The following USP33 variants were observed in gnomAD, a reference collection of about 807,000 sequenced individuals.
USP33 encodes ubiquitin carboxyl-terminal hydrolase 33.
USP33 carries 46 observed loss-of-function variants against 124.2 expected under a neutral mutation model. The ratio of observed to expected loss-of-function variants is 0.37; its 90% confidence interval spans 0.29 to 0.47. USP33 has a LOEUF of 0.47. Among genes scored for constraint, USP33 ranks in the 20% least tolerant of loss-of-function variants. USP33 has a pLI of 0.99. For missense variants in USP33, 851 were observed against 1,070.6 expected (o/e 0.79, Z 2.86); for synonymous variants, 350 against 352.3 (o/e 0.99, Z 0.07).
In USP33 at chr1:77,740,934, T is replaced by C. The variant is rs1375321521; in HGVS notation, c.141A>G (p.Arg47=). Residue 47 remains arginine, a synonymous_variant, in exon 4 of 24, where the codon AGA becomes AGG. Transcript: ENST00000370794. The stretch of plus-strand genomic sequence containing the variant: ...ATTCACCACAGCCAACATATGAACA[T>C]CTATTCTATAAATAATTATATAGGA... The part of the protein sequence containing the change: ...GPNLWACLEN[R]CSYVGCGESQ... 10 of 1,551,364 alleles carry C rather than the reference T, an allele frequency of 6.4e-6. No individual in the cohort carries two copies. The highest frequency in any genetic ancestry group is 8.7e-6 in the Non-Finnish European group (10 of 1,143,836).
intron 7 of USP33, 49 bp downstream of exon 7, chr1:77,734,298 A>C: frequency 7.1e-7 from 1 of 1,413,796 alleles, no homozygotes; most frequent in Non-Finnish European, 9.6e-7. Context: ...TGCTCAAAAA[A>C]TAACTTAAAA....
At chr1:77,722,572 T>C (rs74972797) in intron 12 of USP33, among the ~76,000 whole-genome samples, 1,964 of 151,830 alleles carry the variant, frequency 0.013, 40 homozygotes, top group African/African-American at 0.046. Flanking sequence ...TTTTAAAATA[T>C]TTTTTTAAAA....
intron 21 of USP33, 184 bp downstream of exon 21, chr1:77,711,563 A>T: frequency 1.1e-6 from 1 of 904,424 alleles, no homozygotes; most frequent in Non-Finnish European, 1.6e-6. Flanking sequence ...ACACACACAA[A>T]GGGAGAACAT....
In USP33 at chr1:77,728,782, C is replaced by T. The variant is rs934240427; in HGVS notation, c.718-70G>A. On this transcript the variant is annotated intron_variant, in intron 9 of 23. Transcript: ENST00000370794. ...ATATAGAAACGTAAGGGAAAATATA[C>T]AAAATGTCATTACAAACTTATATAT... is the stretch of plus-strand genomic sequence containing the variant. 9 of 1,491,278 alleles carry T rather than the reference C, an allele frequency of 6.0e-6. No individual in the cohort carries two copies. The Admixed American group carries it at 1.5e-4, about 24-fold the overall frequency. The allele number at this position is 1,491,278 out of a possible 1,614,324, so 92.4% of individuals were successfully genotyped here. A position where few individuals can be genotyped will look rare whatever the true frequency, so the allele number is the denominator to read the frequency against.
rs1463939654 is a variant in USP33, at chr1:77,717,921, G to C, written c.1864C>G (p.Gln622Glu). The C allele has an allele frequency of 6.2e-7, 1 of 1,613,486 alleles. No homozygotes were observed. Among genetic ancestry groups the C allele is most frequent in the Non-Finnish European group, 8.5e-7 (1 of 1,179,834 alleles). ...QPFLAKDSPA[Q>E]IVTYDLLSVI... ...GACAGAAGATCATATGTCACAATTT[G>C]AGCTGGACTATCCTTAGCAAGAAAT... Residue 622 changes from glutamine (Q) to glutamate (E), a missense_variant, in exon 17 of 24, where the codon CAA becomes GAA. Around this residue, in one of 4 missense-constraint regions of USP33, gnomAD observed 281 missense variants for 425.0 expected, o/e 0.66. Coordinates refer to ENST00000370794, the MANE Select transcript of USP33 (RefSeq NM_201624.3).
intron 1 of USP33, among the ~76,000 whole-genome samples, chr1:77,754,119 A>G (rs1442908792): frequency 6.6e-6 from 1 of 152,154 alleles, no homozygotes; most frequent in African/African-American, 2.4e-5. Context: ...TGTTCCCCAT[A>G]ATTGTTACAC....
rs1557808899 is a variant in USP33, at chr1:77,701,520, TGGCAAAACAA to T, written c.2407-59_2407-50del. On this transcript the variant is annotated intron_variant, in intron 21 of 23. Transcript: ENST00000370794. ...CATCTAATATCTAAAACTTGCTTTATGGCAAAACAATACCATCATTCCACTTCAGTGTTTG... is the reference window on the plus strand; with the variant it reads ...CATCTAATATCTAAAACTTGCTTTATTACCATCATTCCACTTCAGTGTTTG... The T allele has an allele frequency of 2.1e-6, 3 of 1,445,554 alleles. No homozygotes were observed. The South Asian group carries it at 3.5e-5, about 17-fold the overall frequency. The allele number at this position is 1,445,554 out of a possible 1,614,324, so 89.5% of individuals were successfully genotyped here.
intron 17 of USP33, among the ~76,000 whole-genome samples, chr1:77,716,584 T>C (rs572504279): frequency 6.6e-6 from 1 of 152,180 alleles, no homozygotes; most frequent in Non-Finnish European, 1.5e-5. Flanking sequence ...GGGTAATTGA[T>C]ATTGCAAACC....
chr1:77,736,436 A>G (rs900287902), intron 5 of USP33, among the ~76,000 whole-genome samples: 11 of 152,200 alleles, frequency 7.2e-5, no homozygotes, highest in African/African-American at 2.7e-4. Flanking sequence ...AAACTCCACA[A>G]TAACTGCAAT....
chr1:77,698,505 T>TTG (rs1673654269), intron 22 of USP33, among the ~76,000 whole-genome samples: 1 of 149,056 alleles, frequency 6.7e-6, no homozygotes. Flanking sequence ...GTTTTGTTTT[T>TTG]TTTTTTTTTT....
intron 1 of USP33, among the ~76,000 whole-genome samples, chr1:77,749,903 C>A (rs1444956983): frequency 6.6e-6 from 1 of 151,968 alleles, no homozygotes; most frequent in Non-Finnish European, 1.5e-5. Flanking sequence ...TTTCTAAAAT[C>A]TCAAGCAAAA....
At chr1:77,713,167 A>G in intron 20 of USP33, 33 bp downstream of exon 20, 1 of 1,571,418 alleles carries the variant, frequency 6.4e-7, no homozygotes, top group Admixed American at 1.9e-5. Context: ...ACCGACTTTC[A>G]CAACACTGTA....
chr1:77,711,573 TAACTC>T (rs1675267249), intron 21 of USP33, 169 bp downstream of exon 21: 5 of 977,306 alleles, frequency 5.1e-6, no homozygotes, highest in East Asian at 3.1e-5. Context: ...AGGGAGAACA[TAACTC>T]AACAGAACTG....
At chr1:77,756,597 A>C (rs570004451) in intron 1 of USP33, among the ~76,000 whole-genome samples, 21 of 152,178 alleles carry the variant, frequency 1.4e-4, no homozygotes, top group Middle Eastern at 3.2e-3. Flanking sequence ...GTGAGGATTG[A>C]CTGTAGATGG....
intron 1 of USP33, among the ~76,000 whole-genome samples, chr1:77,754,786 G>A (rs1192109602): frequency 6.6e-6 from 1 of 152,184 alleles, no homozygotes; most frequent in African/African-American, 2.4e-5. Context: ...TCTTCTAACT[G>A]AGTTCTCTGG....
At chr1:77,707,452 G>A (rs1016251704) in intron 21 of USP33, among the ~76,000 whole-genome samples, 1 of 152,166 alleles carries the variant, frequency 6.6e-6, no homozygotes, top group Non-Finnish European at 1.5e-5. Context: ...TCAGACAACT[G>A]AGGATGATCT....
At chr1:77,746,850 C>G (rs1187408743) in intron 1 of USP33, among the ~76,000 whole-genome samples, 1 of 151,864 alleles carries the variant, frequency 6.6e-6, no homozygotes, top group Admixed American at 6.6e-5. Flanking sequence ...TAAAAACTCT[C>G]AATAAACTAG....
intron 21 of USP33, 34 bp downstream of exon 21, chr1:77,711,713 T>C (rs367874200): frequency 6.3e-7 from 1 of 1,595,356 alleles, no homozygotes; most frequent in East Asian, 2.2e-5. Context: ...TTCATCTTTA[T>C]CCTAGATCAA....
chr1:77,699,677 C>A (rs899105723), intron 22 of USP33, among the ~76,000 whole-genome samples: 4 of 152,192 alleles, frequency 2.6e-5, no homozygotes, highest in Admixed American at 2.0e-4. Flanking sequence ...TTTGACCCAG[C>A]AATCCCATTA....
Sources: allele counts gnomAD v4.1 joint callset (sites outside exome capture counted in the v4.1 genomes callset), GRCh38; gene constraint gnomAD v4.1.1; regional missense constraint gnomAD v4.1.1; transcripts MANE v1.5; gene names NCBI Gene and HGNC (gene_info 2026-07-23, HGNC 2026-07-21).